Variants in VSTM4 observed in about 807,000 individuals in gnomAD.
VSTM4 encodes the protein V-set and transmembrane domain-containing protein 4.
In VSTM4, 20 loss-of-function variants were observed where a neutral mutation model predicts 36.4. That is an observed-to-expected ratio of 0.55 (90% confidence interval 0.39 to 0.80). VSTM4 has a LOEUF of 0.80. Ranked by LOEUF, VSTM4 falls within the 30% of genes least tolerant of loss-of-function variation. VSTM4 has a pLI of 0.00. For synonymous variants in VSTM4, 182 were observed against 173.9 expected, an observed-to-expected ratio of 1.05 and a Z score of -0.37; for missense variants, 392 against 404.5, an observed-to-expected ratio of 0.97 and a Z score of 0.26.
At chr10:49,105,867 T>C (rs1190778502) in intron 2 of VSTM4, among the ~76,000 whole-genome samples, 1 of 151,844 alleles carries the variant, frequency 6.6e-6, no homozygotes, top group Non-Finnish European at 1.5e-5. Context: ...ATCTTGTGTG[T>C]ATATATATAT....
At chr10:49,037,436 A>T (rs1564569138) in intron 7 of VSTM4, among the ~76,000 whole-genome samples, 1 of 152,230 alleles carries the variant, frequency 6.6e-6, no homozygotes, top group Non-Finnish European at 1.5e-5. Flanking sequence ...TCTGGCCCAC[A>T]ATTGGAGCAG....
At chr10:49,026,468 TA>T (rs1198520549) in intron 7 of VSTM4, among the ~76,000 whole-genome samples, 1 of 152,232 alleles carries the variant, frequency 6.6e-6, no homozygotes, top group African/African-American at 2.4e-5. Flanking sequence ...TATCTTGTCC[TA>T]AAACACAAAT....
intron 2 of VSTM4, among the ~76,000 whole-genome samples, chr10:49,089,703 T>C (rs966305059): frequency 5.3e-5 from 8 of 152,218 alleles, no homozygotes; most frequent in South Asian, 2.1e-4. Context: ...CTAATCTTAC[T>C]TGTTCCTACA....
In VSTM4 at chr10:49,016,725, G is replaced by A. The variant is rs1422342447; in HGVS notation, c.*2925C>T. The A allele has an allele frequency of 2.0e-5, 3 of 152,204 alleles. No homozygotes were observed. The highest frequency in any genetic ancestry group is 7.2e-5 in the African/African-American group (3 of 41,442). 9.4% of individuals were successfully genotyped at this position (152,204 alleles called of 1,614,324 possible). Reference sequence around the variant, plus strand: ...CCTGGCTTTTCCTTATTTTCCCTGTGAGCTAACAGAGTGGCGGTACATTCG... The same window carrying A: ...CCTGGCTTTTCCTTATTTTCCCTGTAAGCTAACAGAGTGGCGGTACATTCG... On this transcript the variant is annotated 3_prime_UTR_variant, in exon 8 of 8. Transcript: ENST00000332853.
chr10:49,093,489 G>A lies in VSTM4; in HGVS notation c.458-7466C>T, dbSNP rs184313419. Among the ~76,000 whole-genome samples, 446 of 152,340 alleles carry A rather than the reference G, an allele frequency of 2.9e-3. 3 individuals are homozygous for A. The highest frequency in any genetic ancestry group is 9.9e-3 in the African/African-American group (411 of 41,572). ...AGAAACAATGATTTTTAAAAGAGCA[G>A]AACATGTGTAAGGATGGACGTGTCT... On this transcript the variant is annotated intron_variant, in intron 2 of 7. Transcript: ENST00000332853.
At chr10:49,065,722 A>T (rs1843961300) in intron 4 of VSTM4, among the ~76,000 whole-genome samples, 1 of 152,200 alleles carries the variant, frequency 6.6e-6, no homozygotes, top group African/African-American at 2.4e-5. Flanking sequence ...AGCAGAAGAA[A>T]TGGTCAGCTA....
intron 5 of VSTM4, among the ~76,000 whole-genome samples, chr10:49,048,854 C>T (rs978032280): frequency 2.0e-5 from 3 of 152,182 alleles, no homozygotes; most frequent in African/African-American, 7.2e-5. Context: ...GTCCCAAATT[C>T]CTTGGAGGGA....
At chr10:49,058,402 C>A (rs184327866) in intron 5 of VSTM4, among the ~76,000 whole-genome samples, 2 of 152,284 alleles carry the variant, frequency 1.3e-5, no homozygotes, top group Admixed American at 1.3e-4. Context: ...CGTTTTCACT[C>A]CGGGTTTCCA....
At chr10:49,084,822 T>C (rs1449186407) in intron 3 of VSTM4, among the ~76,000 whole-genome samples, 1 of 152,252 alleles carries the variant, frequency 6.6e-6, no homozygotes, top group Non-Finnish European at 1.5e-5. Flanking sequence ...TAATAATTTC[T>C]CCGAACTTTC....
intron 4 of VSTM4, 111 bp from the exon 5 acceptor site, chr10:49,064,847 T>C (rs951868165): frequency 1.7e-5 from 18 of 1,090,418 alleles, no homozygotes; most frequent in Admixed American, 6.6e-5. Flanking sequence ...GTATTGGTGC[T>C]ATACCACCCA....
intron 3 of VSTM4, among the ~76,000 whole-genome samples, chr10:49,082,027 G>C (rs772567494): frequency 6.6e-5 from 10 of 152,124 alleles, no homozygotes; most frequent in Middle Eastern, 3.2e-3. Flanking sequence ...CTCCCTGGCT[G>C]TTCTCTGCAA....
chr10:49,115,494 C>G lies in VSTM4; in HGVS notation c.-9G>C, dbSNP rs1460757095. 1 of 994,962 alleles carries G rather than the reference C, an allele frequency of 1.0e-6. No homozygotes were observed. The highest frequency in any genetic ancestry group is 1.2e-6 in the Non-Finnish European group (1 of 838,602). The allele number at this position is 994,962 out of a possible 1,614,324, so 61.6% of individuals were successfully genotyped here. A position where few individuals can be genotyped will look rare whatever the true frequency, so the allele number is the denominator to read the frequency against. On this transcript the variant is annotated 5_prime_UTR_variant, in exon 1 of 8. Transcript: ENST00000332853. ...AGTGCCAGCAGCCGCATCTCCCCGC[C>G]GCCGCCCGGCGCTGTGACGCGGGAG... is the stretch of plus-strand genomic sequence containing the variant.
chr10:49,037,438 T>C (rs767000251), intron 7 of VSTM4, among the ~76,000 whole-genome samples: 5 of 152,216 alleles, frequency 3.3e-5, no homozygotes, highest in African/African-American at 9.6e-5. Flanking sequence ...TGGCCCACAA[T>C]TGGAGCAGGG....
intron 7 of VSTM4, among the ~76,000 whole-genome samples, chr10:49,022,970 C>T (rs565215217): frequency 2.6e-5 from 4 of 152,154 alleles, no homozygotes; most frequent in African/African-American, 9.6e-5. Flanking sequence ...TTATGATGTT[C>T]CTATAGTAAA....
At chr10:49,077,396 C>G in intron 3 of VSTM4, 70 bp from the exon 4 acceptor site, 1 of 1,399,262 alleles carries the variant, frequency 7.1e-7, no homozygotes, top group African/African-American at 1.4e-5. Context: ...GGCAAGAGAA[C>G]AATCAGAATT....
chr10:49,108,063 C>T (rs967788041), intron 1 of VSTM4, 68 bp from the exon 2 acceptor site: 11 of 1,472,196 alleles, frequency 7.5e-6, no homozygotes, highest in South Asian at 4.1e-5. Context: ...AGTCCACAGT[C>T]GAGGAGCCAG....
At chr10:49,025,459 G>C (rs1237486869) in intron 7 of VSTM4, among the ~76,000 whole-genome samples, 2 of 152,014 alleles carry the variant, frequency 1.3e-5, no homozygotes, top group Non-Finnish European at 2.9e-5. Context: ...GAGGAGAAAG[G>C]CTCTAGGACT....
chr10:49,084,192 T>A (rs192455393), intron 3 of VSTM4, among the ~76,000 whole-genome samples: 1 of 152,346 alleles, frequency 6.6e-6, no homozygotes, highest in East Asian at 1.9e-4. Flanking sequence ...TTCATTTCTT[T>A]GCCAATGCCA....
intron 2 of VSTM4, among the ~76,000 whole-genome samples, chr10:49,105,400 G>A (rs1390296116): frequency 6.6e-6 from 1 of 151,658 alleles, no homozygotes; most frequent in Non-Finnish European, 1.5e-5. Flanking sequence ...GAGAGAAAGA[G>A]GGAGAGGCAG....
Sources: gnomAD v4.1 joint callset for allele counts (sites outside exome capture counted in the v4.1 genomes callset) on GRCh38, gnomAD v4.1.1 for gene constraint, MANE v1.5 for transcripts, NCBI Gene and HGNC (gene_info 2026-07-23, HGNC 2026-07-21) for gene names.